The following MYH9 variants were observed in gnomAD, a reference collection of about 807,000 sequenced individuals.
MYH9 encodes myosin-9.
In MYH9, 29 loss-of-function variants were observed where a neutral mutation model predicts 241.9. The ratio of observed to expected loss-of-function variants is 0.12; its 90% CI spans 0.09 to 0.16. The LOEUF is 0.16. Ranked by LOEUF, MYH9 falls within the 10% of genes least tolerant of loss-of-function variation. The pLI, the probability that MYH9 is intolerant of heterozygous loss-of-function variation, is 1.00. For synonymous variants in MYH9, 1,047 were observed against 1,062.6 expected (o/e 0.99, Z 0.29); for missense variants, 1,803 against 2,595.5 (o/e 0.69, Z 6.63).
intron 1 of MYH9, among the ~76,000 whole-genome samples, 165 bp from the exon 2 acceptor site, chr22:36,349,420 A>C (rs1410717115): frequency 6.6e-6 from 1 of 152,186 alleles, no homozygotes; most frequent in Non-Finnish European, 1.5e-5. Context: ...TTTGGGATAA[A>C]GATGTGCATC....
chr22:36,372,852 G>A (rs2018109174), intron 1 of MYH9, among the ~76,000 whole-genome samples: 1 of 152,146 alleles, frequency 6.6e-6, no homozygotes, highest in South Asian at 2.1e-4. Flanking sequence ...GCAGAATTCA[G>A]GTCAGCGGGA....
intron 3 of MYH9, among the ~76,000 whole-genome samples, chr22:36,335,233 G>A (rs2017480450): frequency 6.6e-6 from 1 of 152,240 alleles, no homozygotes; most frequent in South Asian, 2.1e-4. Flanking sequence ...TCTGCAGAGT[G>A]CCCGGCACAC....
intron 31 of MYH9, among the ~76,000 whole-genome samples, chr22:36,291,540 C>A (rs1035928684): frequency 2.6e-5 from 4 of 152,044 alleles, no homozygotes; most frequent in Non-Finnish European, 5.9e-5. Flanking sequence ...ACAAACACTG[C>A]GGAAGGCCAA....
intron 1 of MYH9, among the ~76,000 whole-genome samples, chr22:36,371,452 G>T (rs2018088647): frequency 6.6e-6 from 1 of 152,198 alleles, no homozygotes; most frequent in Admixed American, 6.5e-5. Flanking sequence ...TGCATTTCCA[G>T]CCTCCAGAAC....
chr22:36,370,726 C>A (rs1400579609), intron 1 of MYH9, among the ~76,000 whole-genome samples: 1 of 152,190 alleles, frequency 6.6e-6, no homozygotes, highest in African/African-American at 2.4e-5. Flanking sequence ...GAAGGCAGGG[C>A]AGCCTGGGAG....
intron 1 of MYH9, among the ~76,000 whole-genome samples, chr22:36,369,594 C>T (rs577780670): frequency 6.6e-6 from 1 of 152,290 alleles, no homozygotes; most frequent in Non-Finnish European, 1.5e-5. Flanking sequence ...GCTGTCTACC[C>T]GACAGGTCTC....
intron 1 of MYH9, among the ~76,000 whole-genome samples, chr22:36,378,220 GT>G (rs2018201775): frequency 6.6e-6 from 1 of 152,130 alleles, no homozygotes. Flanking sequence ...GCTGTAGTGA[GT>G]TGCTATCGCG....
At chr22:36,385,766 G>C (rs1172573638) in intron 1 of MYH9, among the ~76,000 whole-genome samples, 2 of 152,090 alleles carry the variant, frequency 1.3e-5, no homozygotes, top group African/African-American at 2.4e-5. Flanking sequence ...GAAGTTCTTT[G>C]GTGTCACCCC....
intron 35 of MYH9, 182 bp from the exon 36 acceptor site, chr22:36,286,135 T>C: frequency 3.1e-6 from 2 of 649,124 alleles, no homozygotes; most frequent in South Asian, 3.5e-5. Context: ...TTAAACACCA[T>C]ATGTTTATAA....
chr22:36,285,801 A>T lies in MYH9; in HGVS notation c.5151-20T>A. 6.2e-7 allele frequency: 1 copy of T among 1,611,500 alleles called. No homozygotes were observed. Among genetic ancestry groups the T allele is most frequent in the Non-Finnish European group, 8.5e-7 (1 of 1,179,140 alleles). On this transcript the variant is annotated intron_variant, in intron 36 of 40. Coordinates refer to ENST00000216181, the MANE Select transcript of MYH9 (RefSeq NM_002473.6). The surrounding 1 kb of genome is among the most constrained non-coding windows in gnomAD (Gnocchi z 7.0). ...AGGGCTCTGCGGGGTGGGCGGGAGA[A>T]GTGAGGGGCCTACCCTGGGGACACA...
chr22:36,311,002 C>A (rs2157253), intron 14 of MYH9, among the ~76,000 whole-genome samples: 80,075 of 151,918 alleles, frequency 0.53, 23,754 homozygotes, highest in Non-Finnish European at 0.68. Context: ...ATAGAAGAGG[C>A]CGGCACAGGT....
rs1028110266 is a variant in MYH9, at chr22:36,285,035, G to T, written c.5483+86C>A. The T allele has an allele frequency of 2.1e-5, 27 of 1,260,526 alleles. No individual in the cohort carries two copies. Among genetic ancestry groups the T allele is most frequent in the Non-Finnish European group, 3.1e-5 (27 of 884,100 alleles). 78.1% of individuals were successfully genotyped at this position (1,260,526 alleles called of 1,614,324 possible). A position where few individuals can be genotyped will look rare whatever the true frequency, so the allele number is the denominator to read the frequency against. On this transcript the variant is annotated intron_variant, in intron 38 of 40. Coordinates refer to ENST00000216181, the MANE Select transcript of MYH9 (RefSeq NM_002473.6). The surrounding 1 kb of genome is among the most constrained non-coding windows in gnomAD (Gnocchi z 7.0). ...CCCAGGCTCAGGAGACAGAGAGCTGGTTGTGGCCCAGATTTGGGCAGGACT... is the reference window on the plus strand; with the variant it reads ...CCCAGGCTCAGGAGACAGAGAGCTGTTTGTGGCCCAGATTTGGGCAGGACT...
intron 20 of MYH9, 147 bp from the exon 21 acceptor site, chr22:36,301,812 CT>C: frequency 9.5e-7 from 1 of 1,048,758 alleles, no homozygotes; most frequent in Non-Finnish European, 1.4e-6. Flanking sequence ...CAGGCACATC[CT>C]TCCTGGCGCT....
In MYH9 at chr22:36,306,629, C is replaced by G; in HGVS notation, c.1844-22G>C. 1 of 1,606,754 alleles carries G rather than the reference C, an allele frequency of 6.2e-7. No individual in the cohort carries two copies. Among genetic ancestry groups the G allele is most frequent in the Non-Finnish European group, 8.5e-7 (1 of 1,178,290 alleles). Reference sequence around the variant, plus strand: ...TCCACTGTGGAGACCACAGAGAACACGTGAGTGCCCACACAGTTGCAGCTG... The same window carrying G: ...TCCACTGTGGAGACCACAGAGAACAGGTGAGTGCCCACACAGTTGCAGCTG... On this transcript the variant is annotated intron_variant, in intron 15 of 40. Transcript: ENST00000216181. The surrounding 1 kb of genome is among the most constrained non-coding windows in gnomAD (Gnocchi z 4.1).
In MYH9 at chr22:36,286,789, T is replaced by G; in HGVS notation, c.4990A>C (p.Ile1664Leu). 6.2e-7 allele frequency: 1 copy of G among 1,612,760 alleles called. No homozygotes were observed. The highest frequency in any genetic ancestry group is 8.5e-7 in the Non-Finnish European group (1 of 1,180,030). Residue 1664 changes from isoleucine to leucine, a missense_variant, in exon 35 of 41, where the codon ATC (isoleucine) becomes CTC (leucine). Physicochemically the swap from Ile to Leu is conservative, Grantham distance 5. Around this residue, in one of 11 missense-constraint regions of MYH9, gnomAD observed 876 missense variants for 1,077.8 expected, o/e 0.81. Transcript: ENST00000216181. ...LDDTRASREEILAQAKENEKK... is the reference protein window; with the variant it reads ...LDDTRASREELLAQAKENEKK... The stretch of plus-strand genomic sequence containing the variant: ...TCGTTCTCTTTGGCCTGGGCCAGGA[T>G]CTCCTCACGAGAGGCGCGGGTGTCA...
At chr22:36,381,515 C>CAA (rs772541129) in intron 1 of MYH9, among the ~76,000 whole-genome samples, 11,153 of 124,396 alleles carry the variant, frequency 0.09, 808 homozygotes, top group African/African-American at 0.2. Flanking sequence ...GACTCCATCT[C>CAA]AAAAAAAAAA....
In MYH9 at chr22:36,285,605, C is replaced by G; in HGVS notation, c.5274+53G>C. ...CTGCCGGCTGGGTCCAAGGCCAGCT[C>G]TGCCGTGGTGGCTCCAGCCAGAGCC... On this transcript the variant is annotated intron_variant, in intron 37 of 40. Transcript: ENST00000216181. The surrounding 1 kb of genome is among the most constrained non-coding windows in gnomAD (Gnocchi z 7.0). 1 of 1,608,984 alleles carries G rather than the reference C, an allele frequency of 6.2e-7. No individual in the cohort carries two copies. The highest frequency in any genetic ancestry group is 8.5e-7 in the Non-Finnish European group (1 of 1,179,722).
intron 1 of MYH9, among the ~76,000 whole-genome samples, chr22:36,380,791 G>A (rs116822812): frequency 1.1e-3 from 170 of 152,176 alleles, no homozygotes; most frequent in African/African-American, 3.8e-3. Context: ...GGTATGTGAG[G>A]GCCTGGGTTG....
chr22:36,368,344 G>A (rs2018041626), intron 1 of MYH9, among the ~76,000 whole-genome samples: 1 of 152,218 alleles, frequency 6.6e-6, no homozygotes, highest in African/African-American at 2.4e-5. Context: ...CTTACTTGCT[G>A]AAGGACACAC....
Sources: allele counts gnomAD v4.1 joint callset (sites outside exome capture counted in the v4.1 genomes callset), GRCh38; gene constraint gnomAD v4.1.1; regional missense constraint gnomAD v4.1.1; non-coding constraint Gnocchi (gnomAD v3.1); transcripts MANE v1.5; gene names NCBI Gene and HGNC (gene_info 2026-07-23, HGNC 2026-07-21).